The following KLF12 variants were observed in gnomAD, a reference collection of about 807,000 sequenced individuals.
KLF12 encodes KLF transcription factor 12.
A neutral mutation model predicts 37.8 loss-of-function variants in KLF12; 9 were observed. That is an observed-to-expected ratio of 0.24 (90% CI 0.14 to 0.42). The LOEUF is 0.42. Ranked by LOEUF, KLF12 falls within the 10% of genes least tolerant of loss-of-function variation. The pLI, the probability that KLF12 is intolerant of heterozygous loss-of-function variation, is 1.00. For synonymous variants in KLF12, 208 were observed against 202.1 expected (o/e 1.03, Z -0.25); for missense variants, 411 against 516.0 (o/e 0.80, Z 1.97).
rs2137519507 is a variant in KLF12, at chr13:73,690,675, T to A, written c.*4815A>T. The A allele has an allele frequency of 6.6e-6, 1 of 152,384 alleles. No homozygotes were observed. The highest frequency in any genetic ancestry group is 2.4e-5 in the African/African-American group (1 of 41,572). 9.4% of individuals were successfully genotyped at this position (152,384 alleles called of 1,614,324 possible). A position where few individuals can be genotyped will look rare whatever the true frequency, so the allele number is the denominator to read the frequency against. On this transcript the variant is annotated 3_prime_UTR_variant, in exon 8 of 8. Transcript: ENST00000377669. ...GACAGAGTTCCCATGGCAATTTCACTCATTGTGTGTAAGATATACAAGGCA... is the reference window on the plus strand; with the variant it reads ...GACAGAGTTCCCATGGCAATTTCACACATTGTGTGTAAGATATACAAGGCA...
At chr13:73,965,907 G>A (rs912491082) in intron 2 of KLF12, among the ~76,000 whole-genome samples, 3 of 152,154 alleles carry the variant, frequency 2.0e-5, no homozygotes, top group Admixed American at 1.3e-4. Flanking sequence ...TTAAGAGCAG[G>A]CCACTCTAAT....
At chr13:74,292,333 T>C in the KLF12 span, among the ~76,000 whole-genome samples, 2 of 152,180 alleles carry the variant, frequency 1.3e-5, no homozygotes, top group African/African-American at 4.8e-5. Context: ...TTCAGTTCTC[T>C]TGAAGGATAA....
chr13:74,149,707 C>A, the KLF12 span, among the ~76,000 whole-genome samples: 2 of 152,100 alleles, frequency 1.3e-5, no homozygotes, highest in African/African-American at 4.8e-5. Context: ...TCACAATGTC[C>A]CCTCTCACTT....
intron 1 of KLF12, among the ~76,000 whole-genome samples, chr13:74,113,183 TAGA>T (rs1245678814): frequency 6.6e-6 from 1 of 152,090 alleles, no homozygotes; most frequent in Non-Finnish European, 1.5e-5. Context: ...AACATAAAGG[TAGA>T]AGGTGAGGCA....
At chr13:74,209,137 A>G in the KLF12 span, among the ~76,000 whole-genome samples, 1 of 152,034 alleles carries the variant, frequency 6.6e-6, no homozygotes, top group Non-Finnish European at 1.5e-5. Flanking sequence ...CATATTAAAA[A>G]CGTGTTCCAT....
At position 73,852,633 on chromosome 13, in the gene KLF12, C is replaced by T. The variant is rs1335177056; in HGVS notation, c.124-6260G>A. 4.6e-5 allele frequency among the ~76,000 whole-genome samples: 7 copies of T among 151,678 alleles called. No individual in the cohort carries two copies. The East Asian group carries it at 5.9e-4, about 13-fold the overall frequency. ...CTCTACTAAAAATACAAAAATTAGC[C>T]GGGCGTGGTGGCGCGTGCCTGTAAT... On this transcript the variant is annotated intron_variant, in intron 3 of 7. Coordinates refer to ENST00000377669, the MANE Select transcript of KLF12 (RefSeq NM_007249.5).
chr13:74,116,979 T>C (rs1480075554), intron 1 of KLF12, among the ~76,000 whole-genome samples: 4 of 152,190 alleles, frequency 2.6e-5, no homozygotes, highest in Non-Finnish European at 2.9e-5. Flanking sequence ...ATCTATTTTC[T>C]CTACTCTTAT....
chr13:74,277,026 C>T, the KLF12 span, among the ~76,000 whole-genome samples: 3 of 152,190 alleles, frequency 2.0e-5, no homozygotes, highest in African/African-American at 7.2e-5. Flanking sequence ...GTTTCTTGGT[C>T]TACTCTTCTC....
Position 73,695,523 on chromosome 13 carries a change from C to A in KLF12, c.1176G>T (p.Leu392Phe). ...ACATATGCCTCCGGCGGTGCAGGGCCAAATGATCTGACCGGGAAAAGCTGC... is the reference window on the plus strand; with the variant it reads ...ACATATGCCTCCGGCGGTGCAGGGCAAAATGATCTGACCGGGAAAAGCTGC... The change falls in exon 8 of 8, where the codon TTG (leucine) becomes TTT (phenylalanine). Residue 392 changes from leucine to phenylalanine, a missense_variant. Leu to Phe is a conservative substitution (Grantham distance 22, BLOSUM62 0). This residue lies in a region of KLF12 where 60 missense variants were observed against 118.2 expected (regional missense o/e 0.51). Transcript: ENST00000377669. 1 of 1,614,062 alleles carries A rather than the reference C, an allele frequency of 6.2e-7. No homozygotes were observed.
Position 74,075,366 on chromosome 13 carries a change from C to A in KLF12, c.-32+58373G>T, listed in dbSNP as rs73531215. ...AGCTGCAGGTTTCTGTTACTAAAAT[C>A]TGATAGCAAGAATGTAAAGCAATGG... On this transcript the variant is annotated intron_variant, in intron 1 of 7. Coordinates refer to ENST00000377669, the MANE Select transcript of KLF12 (RefSeq NM_007249.5). Among the ~76,000 whole-genome samples the A allele has an allele frequency of 4.2e-3, 635 of 152,276 alleles. 8 individuals are homozygous for A. The highest frequency in any genetic ancestry group is 0.015 in the African/African-American group (619 of 41,548).
At chr13:74,162,836 C>T in the KLF12 span, among the ~76,000 whole-genome samples, 7 of 152,034 alleles carry the variant, frequency 4.6e-5, no homozygotes, top group Non-Finnish European at 8.8e-5. Context: ...GAGAAGGTAG[C>T]ATGTGCACTT....
chr13:73,863,362 G>A (rs1009048617), intron 3 of KLF12, among the ~76,000 whole-genome samples: 10 of 152,116 alleles, frequency 6.6e-5, no homozygotes, highest in African/African-American at 1.9e-4. Context: ...AGACAGGTTT[G>A]TGTACTGGTT....
intron 4 of KLF12, among the ~76,000 whole-genome samples, chr13:73,819,173 T>C (rs1446110246): frequency 6.6e-6 from 1 of 152,182 alleles, no homozygotes; most frequent in Non-Finnish European, 1.5e-5. Context: ...CTTCTGGCCC[T>C]GTCATTTGCA....
chr13:74,036,739 T>G (rs1893255743), intron 1 of KLF12, among the ~76,000 whole-genome samples: 1 of 152,186 alleles, frequency 6.6e-6, no homozygotes, highest in East Asian at 1.9e-4. Flanking sequence ...GGAAGTTCCA[T>G]TAACCTGATC....
At chr13:74,040,497 C>T (rs1893373074) in intron 1 of KLF12, among the ~76,000 whole-genome samples, 1 of 152,080 alleles carries the variant, frequency 6.6e-6, no homozygotes, top group Non-Finnish European at 1.5e-5. Flanking sequence ...GTATCAAGAA[C>T]AGTTTCAGGA....
At chr13:73,985,418 G>A (rs945262247) in intron 2 of KLF12, among the ~76,000 whole-genome samples, 6 of 152,180 alleles carry the variant, frequency 3.9e-5, no homozygotes, top group Non-Finnish European at 8.8e-5. Context: ...CAATTTGAGT[G>A]CACATGATTG....
At chr13:73,880,782 G>T (rs895363022) in intron 3 of KLF12, among the ~76,000 whole-genome samples, 5 of 152,078 alleles carry the variant, frequency 3.3e-5, no homozygotes, top group Non-Finnish European at 7.4e-5. Context: ...AAATAGATTT[G>T]TTTTTTAAAT....
the KLF12 span, among the ~76,000 whole-genome samples, chr13:74,175,055 C>T: frequency 7.9e-5 from 12 of 152,136 alleles, no homozygotes; most frequent in South Asian, 2.1e-4. Flanking sequence ...CATGGAGCCC[C>T]GGGTGCTGCT....
At chr13:74,295,248 A>G in the KLF12 span, among the ~76,000 whole-genome samples, 1 of 152,084 alleles carries the variant, frequency 6.6e-6, no homozygotes, top group Non-Finnish European at 1.5e-5. Flanking sequence ...TTCCAGCCTG[A>G]CCAAGTTTTG....
Sources: gnomAD v4.1 joint callset for allele counts (sites outside exome capture counted in the v4.1 genomes callset) on GRCh38, gnomAD v4.1.1 for gene constraint, gnomAD v4.1.1 regional missense constraint, MANE v1.5 for transcripts, NCBI Gene and HGNC (gene_info 2026-07-23, HGNC 2026-07-21) for gene names.